Variants in DKKL1 observed in about 807,000 individuals in gnomAD.
The protein encoded by DKKL1 is dickkopf-like protein 1.
Under a neutral mutation model 16.5 loss-of-function variants are expected in DKKL1, and 11 were observed. The ratio of observed to expected loss-of-function variants is 0.67; its 90% CI spans 0.42 to 1.10. The LOEUF is 1.10. Among genes scored for constraint, DKKL1 ranks in the 50% least tolerant of loss-of-function variants. The probability of loss-of-function intolerance (pLI) is 0.00; values close to 1 mark genes in which losing one functional copy is unlikely to be tolerated. For synonymous variants in DKKL1, 119 were observed against 133.2 expected, an observed-to-expected ratio of 0.89 and a Z score of 0.73; for missense variants, 320 against 308.1, an observed-to-expected ratio of 1.04 and a Z score of -0.29.
In DKKL1 at chr19:49,364,006, A is replaced by G; in HGVS notation, c.8A>G (p.Glu3Gly). Reference protein sequence around the residue: MGEASPPAPARRH... With the variant: MGGASPPAPARRH... Reference sequence around the variant, plus strand: ...CAGAAGAAGGGGCGGGGTATGGGAGAAGGTGAGGATTGAGATCTGGTGGTG... The same window carrying G: ...CAGAAGAAGGGGCGGGGTATGGGAGGAGGTGAGGATTGAGATCTGGTGGTG... Residue 3 changes from glutamate to glycine, a missense_variant and splice_region_variant, in exon 1 of 5, where the codon GAA (glutamate) becomes GGA (glycine). Physicochemically the swap from Glu to Gly is moderately conservative, Grantham distance 98. Coordinates refer to ENST00000221498, the MANE Select transcript of DKKL1 (RefSeq NM_014419.4). The G allele has an allele frequency of 6.2e-7, 1 of 1,613,288 alleles. No homozygotes were observed.
intron 4 of DKKL1, among the ~76,000 whole-genome samples, chr19:49,367,657 T>C (rs1170631505): frequency 1.3e-5 from 2 of 151,654 alleles, no homozygotes; most frequent in East Asian, 2.0e-4. Context: ...CCAACTGCCT[T>C]GGCCTCCCAA....
At chr19:49,368,488 A>AAAAT (rs1039855646) in intron 4 of DKKL1, among the ~76,000 whole-genome samples, 1,960 of 151,146 alleles carry the variant, frequency 0.013, 36 homozygotes, top group African/African-American at 0.043. Flanking sequence ...TCTGTCTCAA[A>AAAAT]AAATAAATAA....
At chr19:49,368,828 G>A (rs4802597) in intron 4 of DKKL1, 47,701 of 151,920 alleles carry the variant, frequency 0.31, 8,192 homozygotes, top group South Asian at 0.46. Context: ...GTCCTTGTAC[G>A]TTAACCAAGA....
upstream of DKKL1, among the ~76,000 whole-genome samples, chr19:49,361,019 G>C (rs1972851004): frequency 1.9e-5 from 1 of 51,912 alleles, no homozygotes; most frequent in African/African-American, 9.0e-5. Context: ...GGGGGGGACA[G>C]AGACCAGAGG....
chr19:49,366,019 C>T lies in DKKL1; in HGVS notation c.417+134C>T, dbSNP rs568229669. ...CTTGGCTCACTGCAACCTCCGCCTC[C>T]GAAGTTCAGGCAATTCTCCTGCCTC... On this transcript the variant is annotated intron_variant, in intron 4 of 4. Coordinates refer to ENST00000221498, the MANE Select transcript of DKKL1 (RefSeq NM_014419.4). 86 of 753,052 alleles carry T rather than the reference C, an allele frequency of 1.1e-4. No homozygotes were observed. The African/African-American group carries it at 1.2e-3, about 11-fold the overall frequency. The allele number at this position is 753,052 out of a possible 1,614,324, so 46.6% of individuals were successfully genotyped here. A position where few individuals can be genotyped will look rare whatever the true frequency, so the allele number is the denominator to read the frequency against.
Position 49,365,494 on chromosome 19 carries a change from C to T in DKKL1, c.184-15C>T, listed in dbSNP as rs201665269. 302 of 1,584,106 alleles carry T rather than the reference C, an allele frequency of 1.9e-4. 1 individual carries two copies. Among genetic ancestry groups the T allele is most frequent in the Non-Finnish European group, 2.5e-4 (294 of 1,162,498 alleles). ...GTGAGGTCCAGCAGCTCACCAGTCC[C>T]TCCTCCGGCCCCAGGGTAACCTGCT... On this transcript the variant is annotated splice_polypyrimidine_tract_variant and intron_variant, in intron 2 of 4. Transcript: ENST00000221498.
intron 4 of DKKL1, among the ~76,000 whole-genome samples, chr19:49,366,489 A>G (rs777289764): frequency 1.3e-5 from 2 of 152,060 alleles, no homozygotes; most frequent in South Asian, 2.1e-4. Flanking sequence ...TGAGCACCAA[A>G]ATGTTTTATA....
intron 4 of DKKL1, among the ~76,000 whole-genome samples, chr19:49,371,659 A>C (rs116825896): frequency 0.012 from 1,881 of 150,858 alleles, 46 homozygotes; most frequent in African/African-American, 0.045. Flanking sequence ...TCTGGGGTAC[A>C]TGTGCAGACA....
In DKKL1 at chr19:49,365,612, G is replaced by C. The variant is rs150574340; in HGVS notation, c.287G>C (p.Gly96Ala). The C allele has an allele frequency of 6.2e-7, 1 of 1,613,514 alleles. No individual in the cohort carries two copies. Among genetic ancestry groups the C allele is most frequent in the Non-Finnish European group, 8.5e-7 (1 of 1,179,736 alleles). Residue 96 changes from glycine (G) to alanine (A), a missense_variant, in exon 3 of 5, where the codon GGG becomes GCG. Gly to Ala is a moderately conservative substitution (Grantham distance 60). Coordinates refer to ENST00000221498, the MANE Select transcript of DKKL1 (RefSeq NM_014419.4). ...HKEENQEHQL[G>A]NNTLSSHLQI... ...GAGGAGAACCAGGAGCACCAGCTGG[G>C]GAACAACACCCTCTCCAGCCACCTC...
chr19:49,363,648 G>A (rs568920939), upstream of DKKL1: 48 of 389,150 alleles, frequency 1.2e-4, no homozygotes, highest in East Asian at 2.7e-3. Context: ...CTCCAGGACT[G>A]AGGTCAACTG....
intron 4 of DKKL1, among the ~76,000 whole-genome samples, chr19:49,371,825 T>C (rs926258097): frequency 6.6e-6 from 1 of 150,814 alleles, no homozygotes; most frequent in Non-Finnish European, 1.5e-5. Flanking sequence ...CCTGTGTCCA[T>C]GTGTTCTCAT....
At chr19:49,374,692 G>C in intron 4 of DKKL1, 25 bp from the exon 5 acceptor site, 1 of 1,514,664 alleles carries the variant, frequency 6.6e-7, no homozygotes. Context: ...GAGTATGAGA[G>C]GGTCTCCTTG....
At chr19:49,364,435 G>A (rs1310370850) in intron 1 of DKKL1, 147 bp from the exon 2 acceptor site, 2 of 652,204 alleles carry the variant, frequency 3.1e-6, no homozygotes, top group South Asian at 2.0e-5. Context: ...GAGGGTGTGG[G>A]AGTAGAAGAA....
chr19:49,363,942 C>T lies in DKKL1; in HGVS notation c.-57C>T. The T allele has an allele frequency of 6.2e-7, 1 of 1,606,750 alleles. No individual in the cohort carries two copies. The highest frequency in any genetic ancestry group is 8.5e-7 in the Non-Finnish European group (1 of 1,176,458). ...ACGTGGGCGGCCGGAATCCGGGAGT[C>T]CGGTGACCCGGGCTGTGGTCTAGCA... is the stretch of plus-strand genomic sequence containing the variant. On this transcript the variant is annotated 5_prime_UTR_variant, in exon 1 of 5. Coordinates refer to ENST00000221498, the MANE Select transcript of DKKL1 (RefSeq NM_014419.4).
intron 4 of DKKL1, among the ~76,000 whole-genome samples, chr19:49,368,467 C>A (rs942855367): frequency 6.8e-6 from 1 of 147,200 alleles, no homozygotes; most frequent in African/African-American, 2.7e-5. Context: ...GCCTGGGCAA[C>A]AGAGTGAGAC....
chr19:49,363,916 T>G lies in DKKL1; in HGVS notation c.-83T>G, dbSNP rs1568590149. The G allele has an allele frequency of 6.3e-7, 1 of 1,579,402 alleles. No individual in the cohort carries two copies. ...GACCATAACTGTTTGGCTTTAACAG[T>G]ACGTGGGCGGCCGGAATCCGGGAGT... On this transcript the variant is annotated 5_prime_UTR_variant, in exon 1 of 5. Coordinates refer to ENST00000221498, the MANE Select transcript of DKKL1 (RefSeq NM_014419.4).
intron 4 of DKKL1, 132 bp downstream of exon 4, chr19:49,366,017 T>G (rs1973239585): frequency 2.6e-6 from 2 of 774,384 alleles, no homozygotes; most frequent in South Asian, 4.4e-5. Flanking sequence ...AACCTCCGCC[T>G]CCGAAGTTCA....
chr19:49,362,919 G>GTTGTTGTTTTTTTTTTTTTT, upstream of DKKL1, among the ~76,000 whole-genome samples: 1 of 130,258 alleles, frequency 7.7e-6, no homozygotes, highest in Non-Finnish European at 1.6e-5. Flanking sequence ...TGGTTTTTTT[G>GTTGTTGTTTTTTTTTTTTTT]TTTTTTGTTT....
In DKKL1 at chr19:49,374,828, C is replaced by T. The variant is rs530435433; in HGVS notation, c.529C>T (p.Arg177Trp). The change falls in exon 5 of 5, where the codon CGG becomes TGG. Residue 177 changes from arginine to tryptophan, a missense_variant. Physicochemically the swap from Arg to Trp is moderately radical, Grantham distance 101. Coordinates refer to ENST00000221498, the MANE Select transcript of DKKL1 (RefSeq NM_014419.4). ...VAFWIIKLPRRRSHQDALEGG... is the reference protein window; with the variant it reads ...VAFWIIKLPRWRSHQDALEGG... ...CTTCTGGATCATTAAGCTGCCACGG[C>T]GGAGGTCCCACCAGGATGCCCTGGA... The T allele has an allele frequency of 1.2e-5, 20 of 1,613,638 alleles. No homozygotes were observed. The East Asian group carries it at 1.8e-4, about 14-fold the overall frequency.
Sources: allele counts gnomAD v4.1 joint callset (sites outside exome capture counted in the v4.1 genomes callset), GRCh38; gene constraint gnomAD v4.1.1; transcripts MANE v1.5; gene names NCBI Gene and HGNC (gene_info 2026-07-23, HGNC 2026-07-21).